ATXN7L1: variants seen among roughly 807,000 people sequenced by gnomAD.
ATXN7L1 encodes ataxin 7 like 1.
A neutral mutation model predicts 70.8 loss-of-function variants in ATXN7L1; 15 were observed. The ratio of observed to expected loss-of-function variants is 0.21; its 90% CI spans 0.14 to 0.33. The LOEUF is 0.33. Among genes scored for constraint, ATXN7L1 ranks in the 10% least tolerant of loss-of-function variants. ATXN7L1 has a pLI of 1.00. For synonymous variants in ATXN7L1, 440 were observed against 445.1 expected (o/e 0.99, Z 0.14); for missense variants, 975 against 1,097.1 (o/e 0.89, Z 1.57).
At chr7:105,709,256 C>T (rs533387042) in intron 3 of ATXN7L1, among the ~76,000 whole-genome samples, 44 of 152,280 alleles carry the variant, frequency 2.9e-4, no homozygotes, top group Non-Finnish European at 5.6e-4. Context: ...ATTGCTTGAA[C>T]CCAGGAAGCG....
chr7:105,615,904 C>T (rs73192168), intron 9 of ATXN7L1, among the ~76,000 whole-genome samples: 1,817 of 152,258 alleles, frequency 0.012, 20 homozygotes, highest in Non-Finnish European at 0.021. Context: ...TTCTGATTTG[C>T]GCTGGGAGTG....
intron 2 of ATXN7L1, among the ~76,000 whole-genome samples, chr7:105,814,258 G>A (rs1258948384): frequency 6.6e-6 from 1 of 151,990 alleles, no homozygotes; most frequent in Non-Finnish European, 1.5e-5. Context: ...AAATTGACTT[G>A]GCAATTCACT....
chr7:105,831,237 T>C (rs1811559425), intron 2 of ATXN7L1, among the ~76,000 whole-genome samples: 1 of 152,216 alleles, frequency 6.6e-6, no homozygotes, highest in Admixed American at 6.5e-5. Flanking sequence ...AGAATTCTAC[T>C]TCAAAATAGC....
At chr7:105,763,124 A>G (rs1243662055) in intron 3 of ATXN7L1, among the ~76,000 whole-genome samples, 3 of 152,228 alleles carry the variant, frequency 2.0e-5, no homozygotes, top group African/African-American at 7.2e-5. Context: ...TTGTTGTTCT[A>G]AGCTGCTAAC....
chr7:105,613,973 G>C lies in ATXN7L1; in HGVS notation c.2361C>G (p.Ser787Arg). 6.4e-7 allele frequency: 1 copy of C among 1,552,278 alleles called. No individual in the cohort carries two copies. Among genetic ancestry groups the C allele is most frequent in the Non-Finnish European group, 8.7e-7 (1 of 1,147,122 alleles). The stretch of plus-strand genomic sequence containing the variant: ...GCATTTTAGTGATTTTACAGGCTTT[G>C]CTACTAGAACTCGAGTTCTTACGCT... ...GKKRKNSSSS[S>R]KACKITKMPG... is the part of the protein sequence containing the mutation. Residue 787 changes from serine to arginine, a missense_variant, in exon 10 of 12, where the codon AGC (serine) becomes AGG (arginine). By Grantham distance (110) the Ser-to-Arg change is moderately radical. Transcript: ENST00000419735.
chr7:105,843,371 A>G (rs898291404), intron 2 of ATXN7L1, among the ~76,000 whole-genome samples: 2 of 152,258 alleles, frequency 1.3e-5, no homozygotes, highest in Admixed American at 6.5e-5. Context: ...CTTGCAGACC[A>G]ATTGCGGGCC....
chr7:105,733,879 CATCA>C (rs1797062191), intron 3 of ATXN7L1, among the ~76,000 whole-genome samples: 2 of 90,426 alleles, frequency 2.2e-5, no homozygotes, highest in African/African-American at 3.9e-5. Flanking sequence ...TCCATCCATC[CATCA>C]TCCATCATCC....
chr7:105,838,168 G>C (rs1236055496), intron 2 of ATXN7L1, among the ~76,000 whole-genome samples: 1 of 152,154 alleles, frequency 6.6e-6, no homozygotes, highest in Non-Finnish European at 1.5e-5. Context: ...AAGCAGACAA[G>C]AAAACGACAC....
At chr7:105,728,540 T>C (rs1205134420) in intron 3 of ATXN7L1, among the ~76,000 whole-genome samples, 1 of 152,226 alleles carries the variant, frequency 6.6e-6, no homozygotes, top group Non-Finnish European at 1.5e-5. Context: ...ATATGATACC[T>C]ATTTATAGCT....
chr7:105,620,890 C>T (rs62487025), intron 8 of ATXN7L1, among the ~76,000 whole-genome samples: 1 of 26,752 alleles, frequency 3.7e-5, no homozygotes, highest in Non-Finnish European at 8.3e-5. Flanking sequence ...CTGAGACTGT[C>T]TCAGAGAAAA....
intron 4 of ATXN7L1, among the ~76,000 whole-genome samples, chr7:105,647,491 T>C (rs1362475075): frequency 1.3e-5 from 2 of 152,144 alleles, no homozygotes; most frequent in African/African-American, 4.8e-5. Context: ...CTACTAAAAA[T>C]ACAAAATTAG....
At chr7:105,704,740 A>T (rs939843658) in intron 3 of ATXN7L1, among the ~76,000 whole-genome samples, 1 of 151,750 alleles carries the variant, frequency 6.6e-6, no homozygotes, top group African/African-American at 2.4e-5. Flanking sequence ...CCTCCCAAGT[A>T]GCTGGGACTA....
At chr7:105,823,006 G>A (rs932700400) in intron 2 of ATXN7L1, among the ~76,000 whole-genome samples, 1 of 152,112 alleles carries the variant, frequency 6.6e-6, no homozygotes, top group Admixed American at 6.5e-5. Context: ...TGATAAGGGT[G>A]CATGATTAAA....
chr7:105,687,040 G>A (rs1008979111), intron 3 of ATXN7L1, among the ~76,000 whole-genome samples: 1 of 152,134 alleles, frequency 6.6e-6, no homozygotes, highest in Non-Finnish European at 1.5e-5. Context: ...CAGGTGAGCT[G>A]CCACAGTCAC....
At chr7:105,636,068 G>A (rs1797307720) in intron 7 of ATXN7L1, among the ~76,000 whole-genome samples, 1 of 152,086 alleles carries the variant, frequency 6.6e-6, no homozygotes, top group Non-Finnish European at 1.5e-5. Context: ...GAGTTTTCTG[G>A]TGCCTATCTC....
At chr7:105,702,972 A>C (rs1022913607) in intron 3 of ATXN7L1, among the ~76,000 whole-genome samples, 71 of 152,196 alleles carry the variant, frequency 4.7e-4, no homozygotes, top group Non-Finnish European at 5.9e-4. Context: ...AAAAATTAGC[A>C]AGGCGTGGCG....
chr7:105,639,414 G>C (rs762375949), intron 6 of ATXN7L1, 73 bp downstream of exon 6: 1 of 1,198,432 alleles, frequency 8.3e-7, no homozygotes, highest in East Asian at 2.5e-5. Flanking sequence ...GCCGTGTGCA[G>C]AGAGTGGCAT....
At chr7:105,700,594 G>A (rs1563017648) in intron 3 of ATXN7L1, among the ~76,000 whole-genome samples, 1 of 151,324 alleles carries the variant, frequency 6.6e-6, no homozygotes, top group Non-Finnish European at 1.5e-5. Flanking sequence ...CCCTGTGTAT[G>A]AGGAGGTTAT....
intron 5 of ATXN7L1, among the ~76,000 whole-genome samples, chr7:105,641,623 C>T (rs555323029): frequency 5.9e-5 from 9 of 152,252 alleles, no homozygotes; most frequent in African/African-American, 7.2e-5. Flanking sequence ...CCACGCCTAC[C>T]GGTTTTCTGG....
Sources: allele counts gnomAD v4.1 joint callset (sites outside exome capture counted in the v4.1 genomes callset), GRCh38; gene constraint gnomAD v4.1.1; transcripts MANE v1.5; gene names NCBI Gene and HGNC (gene_info 2026-07-23, HGNC 2026-07-21).